Variants in KCNG2 observed in about 807,000 individuals in gnomAD.
The protein encoded by KCNG2 is potassium voltage-gated channel modifier subfamily G member 2.
In KCNG2, 7 loss-of-function variants were observed where a neutral mutation model predicts 12.3. That is an observed-to-expected ratio of 0.57 (90% CI 0.32 to 1.07). KCNG2 has a LOEUF of 1.07. Among genes scored for constraint, KCNG2 ranks in the 50% least tolerant of loss-of-function variants. KCNG2 has a pLI of 0.04. For missense variants in KCNG2, 703 were observed against 726.0 expected (o/e 0.97, Z 0.36); for synonymous variants, 414 against 351.4 (o/e 1.18, Z -1.99).
intron 1 of KCNG2, among the ~76,000 whole-genome samples, chr18:79,813,088 GA>G (rs2087504362): frequency 6.6e-6 from 1 of 152,250 alleles, no homozygotes; most frequent in Non-Finnish European, 1.5e-5. Flanking sequence ...CCAGGAGGGG[GA>G]GGTTGCGGTG....
At chr18:79,817,075 C>T (rs189258647) in intron 1 of KCNG2, among the ~76,000 whole-genome samples, 6 of 151,342 alleles carry the variant, frequency 4.0e-5, no homozygotes, top group South Asian at 2.1e-4. Context: ...AGCTGTCACA[C>T]GGCTGCCACT....
chr18:79,798,985 T>C (rs2087386862), intron 1 of KCNG2, among the ~76,000 whole-genome samples: 1 of 152,172 alleles, frequency 6.6e-6, no homozygotes, highest in African/African-American at 2.4e-5. Flanking sequence ...GGGGACCCCC[T>C]CTGTCACCTC....
At chr18:79,802,858 A>G (rs1264217706) in intron 1 of KCNG2, among the ~76,000 whole-genome samples, 1 of 152,154 alleles carries the variant, frequency 6.6e-6, no homozygotes, top group Non-Finnish European at 1.5e-5. Context: ...TGGAGTGAAA[A>G]TGCTTTGATG....
chr18:79,798,413 G>A (rs966323020), intron 1 of KCNG2, among the ~76,000 whole-genome samples: 12 of 152,176 alleles, frequency 7.9e-5, no homozygotes, highest in Non-Finnish European at 1.6e-4. Context: ...GCGAGGAAGG[G>A]GCGCGGGTCT....
intron 1 of KCNG2, among the ~76,000 whole-genome samples, chr18:79,852,488 G>A (rs925714358): frequency 2.2e-4 from 33 of 152,268 alleles, no homozygotes; most frequent in Admixed American, 5.9e-4. Context: ...CGGGGGAAGC[G>A]TTCCCTTAGC....
At chr18:79,802,346 C>T (rs925054038) in intron 1 of KCNG2, among the ~76,000 whole-genome samples, 20 of 152,210 alleles carry the variant, frequency 1.3e-4, no homozygotes, top group East Asian at 1.9e-4. Context: ...CTCTCCCAGC[C>T]GTGCCGCTCC....
chr18:79,860,575 G>A (rs1256229070), intron 2 of KCNG2, among the ~76,000 whole-genome samples: 1 of 151,776 alleles, frequency 6.6e-6, no homozygotes, highest in Non-Finnish European at 1.5e-5. Flanking sequence ...TTCCTTTTCC[G>A]ATTATTCATT....
chr18:79,865,339 C>A (rs1181413686), intron 3 of KCNG2, among the ~76,000 whole-genome samples: 5 of 110,018 alleles, frequency 4.5e-5, no homozygotes, highest in African/African-American at 1.1e-4. Flanking sequence ...GGTCTGGGTG[C>A]TGAGGTCTGG....
chr18:79,883,282 G>T (rs2123113302), intron 3 of KCNG2, among the ~76,000 whole-genome samples: 1 of 152,312 alleles, frequency 6.6e-6, no homozygotes, highest in Admixed American at 6.5e-5. Flanking sequence ...AGGGAACGGC[G>T]GGGGGAAGCT....
chr18:79,813,201 G>T (rs2087505399), intron 1 of KCNG2, among the ~76,000 whole-genome samples: 1 of 152,054 alleles, frequency 6.6e-6, no homozygotes, highest in Non-Finnish European at 1.5e-5. Flanking sequence ...GAAAGCTATA[G>T]ACCAGTATCT....
intron 3 of KCNG2, among the ~76,000 whole-genome samples, chr18:79,877,612 C>T (rs732039): frequency 4.9e-4 from 75 of 152,026 alleles, no homozygotes; most frequent in Non-Finnish European, 1.5e-5. Context: ...GAATCAGCCT[C>T]GTTCCTGGCA....
rs189723705 is a variant in KCNG2, at chr18:79,845,370, G to A, written c.-114-11009G>A. On this transcript the variant is annotated intron_variant, in intron 1 of 3. Coordinates refer to ENST00000316249, the MANE Select transcript of KCNG2 (RefSeq NM_012283.2). ...GTGTCCATGTCGGCGTCCCGGTGGA[G>A]AAGGCGTTCCACGGTTTTGGGGAGG... is the stretch of plus-strand genomic sequence containing the variant. Among the ~76,000 whole-genome samples the A allele has an allele frequency of 5.9e-5, 9 of 152,336 alleles. No individual in the cohort carries two copies. In the East Asian group the frequency reaches 1.7e-3, roughly 29 times the overall value.
intron 3 of KCNG2, among the ~76,000 whole-genome samples, chr18:79,867,579 C>T (rs1979653311): frequency 9.7e-6 from 1 of 102,766 alleles, no homozygotes; most frequent in Non-Finnish European, 1.9e-5. Flanking sequence ...ACCGTGAGCT[C>T]AGTGTGTGTC....
chr18:79,836,104 A>G (rs1386899003), intron 1 of KCNG2, among the ~76,000 whole-genome samples: 1 of 152,268 alleles, frequency 6.6e-6, no homozygotes, highest in Non-Finnish European at 1.5e-5. Context: ...GTTTAAAAGC[A>G]TGACCCAATG....
chr18:79,880,221 A>C (rs1045247402), intron 3 of KCNG2, among the ~76,000 whole-genome samples: 1 of 151,668 alleles, frequency 6.6e-6, no homozygotes, highest in African/African-American at 2.4e-5. Flanking sequence ...CAGCATTTAG[A>C]AGTAGGGATA....
intron 1 of KCNG2, among the ~76,000 whole-genome samples, chr18:79,821,575 C>T (rs965124798): frequency 1.4e-4 from 21 of 152,190 alleles, no homozygotes; most frequent in African/African-American, 4.8e-4. Flanking sequence ...CAGGCGTGAG[C>T]CACCACGCCT....
At chr18:79,864,540 A>G (rs191349268) in intron 3 of KCNG2, among the ~76,000 whole-genome samples, 8 of 152,308 alleles carry the variant, frequency 5.3e-5, no homozygotes, top group Admixed American at 3.3e-4. Flanking sequence ...TCCAAGTTAC[A>G]TTCGGTTTCC....
intron 1 of KCNG2, among the ~76,000 whole-genome samples, chr18:79,834,997 C>T (rs1978315898): frequency 6.6e-6 from 1 of 152,212 alleles, no homozygotes; most frequent in Non-Finnish European, 1.5e-5. Context: ...ATGGTGTCGG[C>T]CACCCATATG....
chr18:79,847,357 C>T (rs763311058), intron 1 of KCNG2, among the ~76,000 whole-genome samples: 36 of 152,204 alleles, frequency 2.4e-4, no homozygotes, highest in African/African-American at 7.0e-4. Context: ...TGCCTCCATG[C>T]CAGGAGCATC....
Sources: allele counts gnomAD v4.1 joint callset (sites outside exome capture counted in the v4.1 genomes callset), GRCh38; gene constraint gnomAD v4.1.1; transcripts MANE v1.5; gene names NCBI Gene and HGNC (gene_info 2026-07-23, HGNC 2026-07-21).